The following CEMIP2 variants were observed in gnomAD, a reference collection of about 807,000 sequenced individuals.
CEMIP2 encodes cell migration inducing hyaluronidase 2.
CEMIP2 carries 79 observed loss-of-function variants against 146.9 expected under a neutral mutation model. The observed-to-expected ratio is 0.54, with a 90% CI of 0.45 to 0.65. The LOEUF (loss-of-function observed/expected upper bound fraction) is 0.65, where lower values mean the gene tolerates loss of function less well. CEMIP2 is among the 30% of genes least tolerant of loss of function. CEMIP2 has a pLI of 0.00. For synonymous variants in CEMIP2, 601 were observed against 606.3 expected (o/e 0.99, Z 0.13); for missense variants, 1,596 against 1,696.2 (o/e 0.94, Z 1.04).
chr9:71,702,553 T>C (rs1230927815), intron 18 of CEMIP2, among the ~76,000 whole-genome samples: 1 of 152,156 alleles, frequency 6.6e-6, no homozygotes, highest in East Asian at 1.9e-4. Flanking sequence ...AGGAGAACTG[T>C]AGATTATTTC....
At chr9:71,743,648 T>TGTATGATC (rs1398666383) in intron 4 of CEMIP2, among the ~76,000 whole-genome samples, 4 of 152,184 alleles carry the variant, frequency 2.6e-5, no homozygotes, top group Non-Finnish European at 5.9e-5. Context: ...CATGTCTCAC[T>TGTATGATC]GTATGATCAT....
intron 21 of CEMIP2, among the ~76,000 whole-genome samples, chr9:71,692,801 G>A (rs1464234523): frequency 6.6e-6 from 1 of 152,084 alleles, no homozygotes; most frequent in Non-Finnish European, 1.5e-5. Context: ...TTTAGTCCCA[G>A]CTACGTGGGA....
chr9:71,761,446 C>G (rs973182925), intron 1 of CEMIP2, among the ~76,000 whole-genome samples: 5 of 152,108 alleles, frequency 3.3e-5, no homozygotes, highest in African/African-American at 1.2e-4. Flanking sequence ...GCCTTTCACA[C>G]TAGAAATATT....
intron 18 of CEMIP2, among the ~76,000 whole-genome samples, chr9:71,703,813 T>G (rs1294382061): frequency 6.6e-6 from 1 of 152,194 alleles, no homozygotes; most frequent in Admixed American, 6.5e-5. Context: ...TGTGCTTTTA[T>G]TAATATAACA....
In CEMIP2 at chr9:71,729,892, C is replaced by A. The variant is rs1241649774; in HGVS notation, c.2002G>T (p.Ala668Ser). 6.2e-7 allele frequency: 1 copy of A among 1,614,176 alleles called. No individual in the cohort carries two copies. Among genetic ancestry groups the A allele is most frequent in the South Asian group, 1.1e-5 (1 of 91,082 alleles). Residue 668 changes from alanine to serine, a missense_variant, in exon 10 of 24, where the codon GCT becomes TCT. Transcript: ENST00000377044. ...TTAATCAGATTATTGTTGGGATGAGCAATCCAGAAAGTTGAAACAGCCCTG... is the reference window on the plus strand; with the variant it reads ...TTAATCAGATTATTGTTGGGATGAGAAATCCAGAAAGTTGAAACAGCCCTG... ...DCMAVSTFWI[A>S]HPNNNLINNA...
At chr9:71,762,521 A>AAAAAC (rs1374566487) in intron 1 of CEMIP2, among the ~76,000 whole-genome samples, 5 of 151,250 alleles carry the variant, frequency 3.3e-5, no homozygotes, top group Non-Finnish European at 7.4e-5. Flanking sequence ...AAAAAAAAAA[A>AAAAAC]AAAAACTGGC....
rs1554684803 is a variant in CEMIP2, at chr9:71,728,302, C to CGTGTATATATATAT, written c.2049+1542_2049+1543insATATATATATACAC. On this transcript the variant is annotated intron_variant, in intron 10 of 23. Transcript: ENST00000377044. Reference sequence around the variant, plus strand: ...ATATGTATATATATATATATATATACATATATATATATATACGTATATATA... The same window carrying CGTGTATATATATAT: ...ATATGTATATATATATATATATATACGTGTATATATATATATATATATATATATACGTATATATA... Among the ~76,000 whole-genome samples the CGTGTATATATATAT allele has an allele frequency of 2.6e-4, 3 of 11,584 alleles. 1 individual carries two copies. The highest frequency in any genetic ancestry group is 3.5e-3 in the Admixed American group (2 of 576). 7.6% of individuals were successfully genotyped at this position (11,584 alleles called of 152,430 possible).
intron 13 of CEMIP2, among the ~76,000 whole-genome samples, chr9:71,717,719 CTCTCA>C (rs1823107836): frequency 6.6e-6 from 1 of 152,138 alleles, no homozygotes. Flanking sequence ...TCATCAAAAA[CTCTCA>C]TGTCACCGGA....
Position 71,712,226 on chromosome 9 carries a change from C to T in CEMIP2, c.2626G>A (p.Gly876Arg). Residue 876 changes from glycine to arginine, a missense_variant, in exon 16 of 24, where the codon GGG becomes AGG. Transcript: ENST00000377044. Reference sequence around the variant, plus strand: ...GTGCTCCTTGTGAGATGAATGGGCCCATCATAAATCTGAAAGCCTCTAATT... The same window carrying T: ...GTGCTCCTTGTGAGATGAATGGGCCTATCATAAATCTGAAAGCCTCTAATT... The part of the protein sequence containing the change: ...FPIRGFQIYD[G>R]PIHLTRSTFK... 10 of 1,614,084 alleles carry T rather than the reference C, an allele frequency of 6.2e-6. No homozygotes were observed. Among genetic ancestry groups the T allele is most frequent in the Non-Finnish European group, 7.6e-6 (9 of 1,180,000 alleles).
intron 4 of CEMIP2, 34 bp from the exon 5 acceptor site, chr9:71,740,266 T>C (rs1239563509): frequency 6.9e-6 from 11 of 1,604,206 alleles, no homozygotes; most frequent in Non-Finnish European, 8.5e-6. Flanking sequence ...ATTTGATTAC[T>C]TGTCATGGTA....
chr9:71,750,024 T>G lies in CEMIP2; in HGVS notation c.331+19A>C, dbSNP rs183559059. On this transcript the variant is annotated intron_variant, in intron 2 of 23. Coordinates refer to ENST00000377044, the MANE Select transcript of CEMIP2 (RefSeq NM_013390.3). ...TTTGTCTTCTAGAATATGTTCTATG[T>G]GCATATACACACACTTACCATCTGG... 2 of 1,565,106 alleles carry G rather than the reference T, an allele frequency of 1.3e-6. No individual in the cohort carries two copies. Among genetic ancestry groups the G allele is most frequent in the African/African-American group, 2.7e-5 (2 of 73,544 alleles).
intron 20 of CEMIP2, among the ~76,000 whole-genome samples, chr9:71,696,898 G>C (rs1237837377): frequency 6.6e-6 from 1 of 151,728 alleles, no homozygotes; most frequent in African/African-American, 2.4e-5. Context: ...AAAAAAGAGA[G>C]AGAAATATGG....
intron 1 of CEMIP2, 74 bp from the exon 2 acceptor site, chr9:71,750,459 G>C: frequency 8.7e-7 from 1 of 1,144,056 alleles, no homozygotes; most frequent in East Asian, 2.6e-5. Flanking sequence ...ATTTATTTAT[G>C]AGATGGAGTT....
At chr9:71,718,136 T>C in intron 12 of CEMIP2, 57 bp from the exon 13 acceptor site, 1 of 1,467,780 alleles carries the variant, frequency 6.8e-7, no homozygotes, top group South Asian at 1.5e-5. Flanking sequence ...AGGAATTAGC[T>C]AGTTATAAGT....
At chr9:71,694,977 G>C (rs915719352) in intron 20 of CEMIP2, among the ~76,000 whole-genome samples, 2 of 152,128 alleles carry the variant, frequency 1.3e-5, no homozygotes, top group Non-Finnish European at 2.9e-5. Flanking sequence ...CTCTAGGAAT[G>C]AGGAAAGAAG....
Position 71,750,169 on chromosome 9 carries a change from C to T in CEMIP2, c.205G>A (p.Ala69Thr). Residue 69 changes from alanine to threonine, a missense_variant, in exon 2 of 24, where the codon GCC becomes ACC. Coordinates refer to ENST00000377044, the MANE Select transcript of CEMIP2 (RefSeq NM_013390.3). ...TTTTGCTTTTGACTTTCTCTCTGGG[C>T]TTGCTGTTCTTCAGGTGAGAATGCG... is the stretch of plus-strand genomic sequence containing the variant. The part of the protein sequence containing the change: ...TFAFSPEEQQ[A>T]QRESQKQKRH... The T allele has an allele frequency of 1.2e-6, 2 of 1,613,960 alleles. No homozygotes were observed. Among genetic ancestry groups the T allele is most frequent in the Non-Finnish European group, 1.7e-6 (2 of 1,180,002 alleles).
intron 20 of CEMIP2, among the ~76,000 whole-genome samples, chr9:71,694,808 C>A (rs1403735078): frequency 6.6e-6 from 1 of 152,196 alleles, no homozygotes; most frequent in African/African-American, 2.4e-5. Flanking sequence ...CTGGAGCAAT[C>A]CCAGTTTCAA....
chr9:71,716,674 C>A, intron 13 of CEMIP2, 122 bp from the exon 14 acceptor site: 1 of 706,708 alleles, frequency 1.4e-6, no homozygotes, highest in East Asian at 3.1e-5. Context: ...TCTACATGAC[C>A]ACACAAAAAT....
chr9:71,720,070 A>T (rs1823189490), intron 12 of CEMIP2, among the ~76,000 whole-genome samples: 1 of 151,718 alleles, frequency 6.6e-6, no homozygotes, highest in African/African-American at 2.4e-5. Flanking sequence ...CTTTTTCCCG[A>T]TTTTCTTATT....
Sources: gnomAD v4.1 joint callset for allele counts (sites outside exome capture counted in the v4.1 genomes callset) on GRCh38, gnomAD v4.1.1 for gene constraint, MANE v1.5 for transcripts, NCBI Gene and HGNC (gene_info 2026-07-23, HGNC 2026-07-21) for gene names.